The following RBL1 variants were observed in gnomAD, a reference collection of about 807,000 sequenced individuals.
The protein encoded by RBL1 is RB transcriptional corepressor like 1, also known as retinoblastoma-like protein 1.
A neutral mutation model predicts 123.0 loss-of-function variants in RBL1; 82 were observed. The ratio of observed to expected loss-of-function variants is 0.67; its 90% CI spans 0.56 to 0.80. The LOEUF is 0.80. Among genes scored for constraint, RBL1 ranks in the 30% least tolerant of loss-of-function variants. The pLI, the probability that RBL1 is intolerant of heterozygous loss-of-function variation, is 0.00. For missense variants in RBL1, 1,171 were observed against 1,299.6 expected (o/e 0.90, Z 1.52); for synonymous variants, 405 against 441.3 (o/e 0.92, Z 1.03).
chr20:37,012,884 C>T (rs986682105), intron 19 of RBL1, among the ~76,000 whole-genome samples: 2 of 149,958 alleles, frequency 1.3e-5, no homozygotes, highest in Non-Finnish European at 3.0e-5. Context: ...AGCCCCTCTG[C>T]CCGGCCAGCC....
At chr20:37,020,071 A>G (rs1450014366) in intron 18 of RBL1, among the ~76,000 whole-genome samples, 1 of 150,362 alleles carries the variant, frequency 6.7e-6, no homozygotes. Flanking sequence ...AAAGAATATT[A>G]TTATTATTAT....
chr20:37,032,575 GAAA>G lies in RBL1; in HGVS notation c.2382+87_2382+89del. The G allele has an allele frequency of 3.0e-6, 4 of 1,353,716 alleles. No homozygotes were observed. The South Asian group carries it at 5.9e-5, about 20-fold the overall frequency. 83.9% of individuals were successfully genotyped at this position (1,353,716 alleles called of 1,614,324 possible). ...GGTAAATTTTGTGTTATGTATATTA[GAAA>G]AAAAAAAGACCAAAGTCTGTCTCTG... is the stretch of plus-strand genomic sequence containing the variant. On this transcript the variant is annotated intron_variant, in intron 16 of 21. Coordinates refer to ENST00000373664, the MANE Select transcript of RBL1 (RefSeq NM_002895.5).
intron 11 of RBL1, among the ~76,000 whole-genome samples, chr20:37,051,586 A>G (rs569557241): frequency 6.6e-6 from 1 of 152,302 alleles, no homozygotes; most frequent in African/African-American, 2.4e-5. Flanking sequence ...TAAGTGAGGT[A>G]AGATTTCTAT....
chr20:37,053,780 G>A (rs972261708), intron 11 of RBL1, among the ~76,000 whole-genome samples: 1 of 152,058 alleles, frequency 6.6e-6, no homozygotes, highest in Non-Finnish European at 1.5e-5. Context: ...TAAATGTGAG[G>A]ATTTACTGTA....
chr20:37,056,255 A>G lies in RBL1; in HGVS notation c.1254T>C (p.Ser418=). The change falls in exon 10 of 22, where the codon TCT becomes TCC. Residue 418 remains serine, a synonymous_variant. Coordinates refer to ENST00000373664, the MANE Select transcript of RBL1 (RefSeq NM_002895.5). ...PSDQLINIFE[S]CVRNPVENIM... ...TGTTTTCCACAGGATTACGCACACA[A>G]GATCTACAAAATACAAGAGGAACCA... 1.9e-6 allele frequency: 3 copies of G among 1,600,822 alleles called. No homozygotes were observed. Among genetic ancestry groups the G allele is most frequent in the Non-Finnish European group, 1.7e-6 (2 of 1,177,128 alleles).
chr20:37,005,434 A>C (rs1315232467), intron 20 of RBL1, among the ~76,000 whole-genome samples: 4 of 152,180 alleles, frequency 2.6e-5, no homozygotes, highest in Admixed American at 2.6e-4. Flanking sequence ...GTAGGGACAA[A>C]GAGTAACCAA....
At chr20:37,089,966 A>T (rs191228348) in intron 1 of RBL1, among the ~76,000 whole-genome samples, 1 of 152,154 alleles carries the variant, frequency 6.6e-6, no homozygotes, top group Admixed American at 6.5e-5. Context: ...GCAGGAGAAT[A>T]GCTTAAACTC....
chr20:37,082,607 T>C (rs560865981), intron 2 of RBL1, among the ~76,000 whole-genome samples: 28 of 152,280 alleles, frequency 1.8e-4, no homozygotes, highest in Non-Finnish European at 3.5e-4. Context: ...TGTGTCCGTA[T>C]TGAACATGTA....
intron 2 of RBL1, among the ~76,000 whole-genome samples, chr20:37,074,376 TGCACTCCA>T (rs1221452361): frequency 6.9e-6 from 1 of 145,568 alleles, no homozygotes; most frequent in Non-Finnish European, 1.5e-5. Context: ...ATTGCGCCAT[TGCACTCCA>T]GCCTGGGTGA....
At chr20:37,012,702 C>A (rs1217273911) in intron 19 of RBL1, among the ~76,000 whole-genome samples, 1 of 149,152 alleles carries the variant, frequency 6.7e-6, no homozygotes, top group Non-Finnish European at 1.5e-5. Flanking sequence ...TGGGGGTCAA[C>A]CCCCGCCAGG....
At chr20:37,021,354 T>C (rs1223668268) in intron 17 of RBL1, among the ~76,000 whole-genome samples, 2 of 152,220 alleles carry the variant, frequency 1.3e-5, no homozygotes, top group African/African-American at 4.8e-5. Flanking sequence ...CTGTTCTCTA[T>C]AATGATGAGC....
chr20:37,031,939 G>A (rs1376754993), intron 16 of RBL1, among the ~76,000 whole-genome samples: 1 of 147,050 alleles, frequency 6.8e-6, no homozygotes, highest in Non-Finnish European at 1.5e-5. Flanking sequence ...ATAGAGATAG[G>A]GTCTCACTGT....
intron 2 of RBL1, among the ~76,000 whole-genome samples, chr20:37,086,208 C>T (rs1410719942): frequency 6.6e-6 from 1 of 152,148 alleles, no homozygotes; most frequent in Non-Finnish European, 1.5e-5. Flanking sequence ...ATGATAATGT[C>T]TTGCTCAATT....
intron 2 of RBL1, among the ~76,000 whole-genome samples, chr20:37,083,618 C>T (rs58962247): frequency 7.5e-5 from 6 of 79,768 alleles, no homozygotes; most frequent in Non-Finnish European, 1.2e-4. Context: ...AACCCCGTCT[C>T]TACTAAAAAT....
chr20:37,006,668 G>A (rs2064078121), intron 20 of RBL1, among the ~76,000 whole-genome samples: 1 of 149,690 alleles, frequency 6.7e-6, no homozygotes, highest in Admixed American at 6.6e-5. Flanking sequence ...GTGAAACCCT[G>A]TCTCTACTAA....
chr20:37,044,344 C>G (rs1214028430), intron 12 of RBL1, 94 bp from the exon 13 acceptor site: 2 of 1,292,010 alleles, frequency 1.5e-6, no homozygotes, highest in East Asian at 4.8e-5. Context: ...TCTTCTTCTT[C>G]TTCTTTTTTT....
chr20:37,028,678 A>G (rs1023988008), intron 16 of RBL1, among the ~76,000 whole-genome samples: 3 of 152,202 alleles, frequency 2.0e-5, no homozygotes, highest in Admixed American at 6.5e-5. Flanking sequence ...AACACAAAAG[A>G]GTTTCAGTAA....
intron 2 of RBL1, among the ~76,000 whole-genome samples, chr20:37,088,116 T>C (rs987039163): frequency 2.0e-5 from 3 of 151,698 alleles, no homozygotes; most frequent in African/African-American, 7.3e-5. Flanking sequence ...AAATACAAAA[T>C]TAGCCAGGCG....
At chr20:37,051,422 C>G (rs1442387593) in intron 11 of RBL1, among the ~76,000 whole-genome samples, 1 of 152,146 alleles carries the variant, frequency 6.6e-6, no homozygotes, top group African/African-American at 2.4e-5. Context: ...CTTAGGTGAT[C>G]CACCTGCGTT....
Sources: allele counts gnomAD v4.1 joint callset (sites outside exome capture counted in the v4.1 genomes callset), GRCh38; gene constraint gnomAD v4.1.1; transcripts MANE v1.5; gene names NCBI Gene and HGNC (gene_info 2026-07-23, HGNC 2026-07-21).